Variants in ZNF410 observed in about 807,000 individuals in gnomAD.
The protein encoded by ZNF410 is another partner for ARF 1.
ZNF410 carries 18 observed loss-of-function variants against 54.8 expected under a neutral mutation model. The observed-to-expected ratio is 0.33, with a 90% CI of 0.23 to 0.49. The LOEUF (loss-of-function observed/expected upper bound fraction) is 0.49, where lower values mean the gene tolerates loss of function less well. Ranked by LOEUF, ZNF410 falls within the 20% of genes least tolerant of loss-of-function variation. The pLI is 0.99. For synonymous variants in ZNF410, 191 were observed against 207.3 expected, an observed-to-expected ratio of 0.92 and a Z score of 0.68; for missense variants, 405 against 569.6, an observed-to-expected ratio of 0.71 and a Z score of 2.94.
At chr14:73,929,785 G>C (rs6574153) in intron 11 of ZNF410, among the ~76,000 whole-genome samples, 91,412 of 151,532 alleles carry the variant, frequency 0.6, 28,486 homozygotes, top group South Asian at 0.72. Flanking sequence ...CCACTACACT[G>C]CAGTCTGGGT....
chr14:73,888,039 A>G (rs952339554), intron 1 of ZNF410, among the ~76,000 whole-genome samples: 6 of 152,048 alleles, frequency 3.9e-5, no homozygotes, highest in Non-Finnish European at 8.8e-5. Context: ...GGCCTGTTTT[A>G]ATAGTATAGT....
intron 11 of ZNF410, among the ~76,000 whole-genome samples, chr14:73,927,613 A>T (rs1051143329): frequency 6.6e-6 from 1 of 152,148 alleles, no homozygotes; most frequent in African/African-American, 2.4e-5. Context: ...TAAATGCCAG[A>T]TGTATGAAAA....
chr14:73,925,192 G>C (rs2055811780), intron 11 of ZNF410, among the ~76,000 whole-genome samples: 1 of 152,088 alleles, frequency 6.6e-6, no homozygotes, highest in African/African-American at 2.4e-5. Context: ...TTTTGATCTT[G>C]ATATCATTGG....
intron 5 of ZNF410, among the ~76,000 whole-genome samples, chr14:73,899,147 C>T (rs1234429776): frequency 6.6e-6 from 1 of 151,102 alleles, no homozygotes; most frequent in Non-Finnish European, 1.5e-5. Flanking sequence ...TGCAGATTAT[C>T]TAGTATATGC....
At position 73,923,473 on chromosome 14, in the gene ZNF410, G is replaced by A; in HGVS notation, c.1349G>A (p.Gly450Glu). The stretch of plus-strand genomic sequence containing the variant: ...CATCACCTGGTGACCATGCAGTCAG[G>A]GAGGCAATCATATGAAGTTTCTGTC... ...VTHHLVTMQS[G>E]RQSYEVSVLT... Residue 450 changes from glycine to glutamate, a missense_variant, in exon 11 of 12, where the codon GGG becomes GAG. Coordinates refer to ENST00000555044, the MANE Select transcript of ZNF410 (RefSeq NM_021188.3). 16 of 1,613,964 alleles carry A rather than the reference G, an allele frequency of 9.9e-6. No homozygotes were observed. The highest frequency in any genetic ancestry group is 1.4e-5 in the Non-Finnish European group (16 of 1,179,952).
intron 11 of ZNF410, among the ~76,000 whole-genome samples, chr14:73,925,429 T>C (rs941380284): frequency 6.7e-6 from 1 of 150,078 alleles, no homozygotes; most frequent in African/African-American, 2.4e-5. Flanking sequence ...TCTCCTAACT[T>C]TGACTTTTTT....
At chr14:73,905,133 A>G (rs1325399020) in intron 7 of ZNF410, 50 bp downstream of exon 7, 1 of 1,570,582 alleles carries the variant, frequency 6.4e-7, no homozygotes, top group Non-Finnish European at 8.6e-7. Context: ...TTGGCTCTGC[A>G]TGTTTGCCTC....
At position 73,922,381 on chromosome 14, in the gene ZNF410, T is replaced by G. The variant is rs1594766138; in HGVS notation, c.1270+175T>G. 4 of 560,962 alleles carry G rather than the reference T, an allele frequency of 7.1e-6. No homozygotes were observed. The East Asian group carries it at 1.4e-4, about 20-fold the overall frequency. 34.7% of individuals were successfully genotyped at this position (560,962 alleles called of 1,614,324 possible). On this transcript the variant is annotated intron_variant, in intron 10 of 11. Transcript: ENST00000555044. The stretch of plus-strand genomic sequence containing the variant: ...TTAGTCAATCTGTTTAAAAAAAAAT[T>G]TTTTTTCATTGAAGATAATATAATA...
intron 8 of ZNF410, among the ~76,000 whole-genome samples, chr14:73,910,753 CAAAAAAAA>C (rs755623044): frequency 5.6e-5 from 4 of 70,840 alleles, no homozygotes; most frequent in African/African-American, 2.2e-4. Context: ...AACTCCGTCT[CAAAAAAAA>C]AAAAAAAAAA....
In ZNF410 at chr14:73,931,667, C is replaced by T; in HGVS notation, c.*126C>T. On this transcript the variant is annotated 3_prime_UTR_variant, in exon 12 of 12. Transcript: ENST00000555044. The stretch of plus-strand genomic sequence containing the variant: ...TGAAGGCACAAGACTCTGCTTTTGC[C>T]ACTCTTCCTCTTTCCTGGTATAGAA... 1.2e-6 allele frequency: 1 copy of T among 811,140 alleles called. No individual in the cohort carries two copies. Among genetic ancestry groups the T allele is most frequent in the Non-Finnish European group, 2.0e-6 (1 of 491,466 alleles). The allele number at this position is 811,140 out of a possible 1,614,324, so 50.2% of individuals were successfully genotyped here.
At chr14:73,922,027 T>C (rs770355633) in intron 9 of ZNF410, 39 bp from the exon 10 acceptor site, 1 of 1,608,912 alleles carries the variant, frequency 6.2e-7, no homozygotes, top group East Asian at 2.2e-5. Context: ...GGCACAGCCT[T>C]GATTGCTGTA....
chr14:73,900,224 A>G (rs573363886), intron 5 of ZNF410, among the ~76,000 whole-genome samples: 4 of 152,056 alleles, frequency 2.6e-5, no homozygotes, highest in Non-Finnish European at 5.9e-5. Context: ...CCCAAATATA[A>G]GACAATCTTT....
At chr14:73,904,211 G>C in intron 6 of ZNF410, 101 bp downstream of exon 6, 1 of 1,301,390 alleles carries the variant, frequency 7.7e-7, no homozygotes, top group Non-Finnish European at 1.1e-6. Context: ...AGGAAAGTAG[G>C]GACTCCAGTT....
Position 73,900,863 on chromosome 14 carries a change from G to C in ZNF410, c.580+2601G>C, listed in dbSNP as rs183319939. On this transcript the variant is annotated intron_variant, in intron 5 of 11. Coordinates refer to ENST00000555044, the MANE Select transcript of ZNF410 (RefSeq NM_021188.3). ...GTTTGTTTGCTTTTAAAGCTCACCA[G>C]CTGTCATTAGTATTAGTATATTTTA... Among the ~76,000 whole-genome samples, 6 of 152,232 alleles carry C rather than the reference G, an allele frequency of 3.9e-5. No homozygotes were observed. In the East Asian group the frequency reaches 1.2e-3, roughly 29 times the overall value.
At chr14:73,927,012 T>A (rs916612150) in intron 11 of ZNF410, 2 of 153,796 alleles carry the variant, frequency 1.3e-5, no homozygotes, top group Non-Finnish European at 2.9e-5. Flanking sequence ...TTACTGATCA[T>A]AGCCTAGATC....
At chr14:73,923,561 A>T in intron 11 of ZNF410, 39 bp downstream of exon 11, 2 of 1,587,162 alleles carry the variant, frequency 1.3e-6, no homozygotes, top group Non-Finnish European at 1.7e-6. Flanking sequence ...GTGACAATTC[A>T]TGTGGGGAAT....
In ZNF410 at chr14:73,917,121, GA is replaced by G. The variant is rs148323223; in HGVS notation, c.1004-3858del. On this transcript the variant is annotated intron_variant, in intron 8 of 11. Transcript: ENST00000555044. ...TTTTCACATTAAACAATTTTCAGGG[GA>G]TTTTTTTGTACTTTATTTTTTTCTT... Among the ~76,000 whole-genome samples the G allele has an allele frequency of 7.0e-3, 1,070 of 152,196 alleles. 8 individuals are homozygous for G. The highest frequency in any genetic ancestry group is 0.025 in the African/African-American group (1,048 of 41,514).
At chr14:73,927,558 C>T (rs2055851584) in intron 11 of ZNF410, among the ~76,000 whole-genome samples, 1 of 152,168 alleles carries the variant, frequency 6.6e-6, no homozygotes, top group Non-Finnish European at 1.5e-5. Flanking sequence ...GAGCTTTTCT[C>T]TCCTGTATTG....
chr14:73,928,407 A>T (rs1048247253), intron 11 of ZNF410, among the ~76,000 whole-genome samples: 9 of 152,158 alleles, frequency 5.9e-5, no homozygotes, highest in Non-Finnish European at 1.3e-4. Context: ...GAGAGCTGGA[A>T]AGATAAGCTA....
Sources: allele counts gnomAD v4.1 joint callset (sites outside exome capture counted in the v4.1 genomes callset), GRCh38; gene constraint gnomAD v4.1.1; transcripts MANE v1.5; gene names NCBI Gene and HGNC (gene_info 2026-07-23, HGNC 2026-07-21).